The following RUNX1 variants were observed in gnomAD, a reference collection of about 807,000 sequenced individuals.
The protein encoded by RUNX1 is RUNX family transcription factor 1, also known as runt-related transcription factor 1.
RUNX1 carries 19 observed loss-of-function variants against 42.8 expected under a neutral mutation model. The observed-to-expected ratio is 0.44, with a 90% CI of 0.31 to 0.65. The LOEUF is 0.65. Ranked by LOEUF, RUNX1 falls within the 30% of genes least tolerant of loss-of-function variation. The pLI, the probability that RUNX1 is intolerant of heterozygous loss-of-function variation, is 0.07. For synonymous variants in RUNX1, 271 were observed against 289.4 expected (o/e 0.94, Z 0.64); for missense variants, 528 against 672.0 (o/e 0.79, Z 2.37).
chr21:34,920,787 T>TG (rs1005233592), intron 2 of RUNX1, among the ~76,000 whole-genome samples: 1 of 55,298 alleles, frequency 1.8e-5, no homozygotes, highest in African/African-American at 3.2e-5. Context: ...CATTTTTTCA[T>TG]GTTTTTTCTA....
At chr21:34,978,581 TG>T (rs1015372974) in intron 2 of RUNX1, among the ~76,000 whole-genome samples, 1 of 152,242 alleles carries the variant, frequency 6.6e-6, no homozygotes, top group African/African-American at 2.4e-5. Context: ...GGAAAGTTTT[TG>T]TTTTTTTAAA....
chr21:34,999,485 C>G (rs768161082), intron 2 of RUNX1, among the ~76,000 whole-genome samples: 24 of 152,170 alleles, frequency 1.6e-4, no homozygotes, highest in Non-Finnish European at 2.6e-4. Flanking sequence ...GGCTGTTGCT[C>G]AACAGCTGAC....
chr21:34,920,894 T>A (rs2058348795), intron 2 of RUNX1, among the ~76,000 whole-genome samples: 1 of 152,214 alleles, frequency 6.6e-6, no homozygotes, highest in Non-Finnish European at 1.5e-5. Context: ...AGTCTCACTC[T>A]ATCACCCAGG....
At chr21:34,880,513 T>C (rs2057882155) in intron 5 of RUNX1, 44 bp downstream of exon 5, 1 of 1,601,730 alleles carries the variant, frequency 6.2e-7, no homozygotes, top group Admixed American at 1.7e-5. Context: ...GTGGGTTTGT[T>C]GCCATGAAAC....
intron 2 of RUNX1, among the ~76,000 whole-genome samples, chr21:34,942,074 TACC>T (rs2058531449): frequency 2.6e-5 from 4 of 152,192 alleles, no homozygotes; most frequent in African/African-American, 4.8e-5. Flanking sequence ...ATCCATCAAA[TACC>T]AGATTGAATT....
chr21:34,887,030 G>A lies in RUNX1; in HGVS notation c.164C>T (p.Ala55Val), dbSNP rs1473182680. 5 of 1,601,658 alleles carry A rather than the reference G, an allele frequency of 3.1e-6. No individual in the cohort carries two copies. The highest frequency in any genetic ancestry group is 1.3e-5 in the African/African-American group (1 of 75,002). The change falls in exon 4 of 9, where the codon GCG becomes GTG. Residue 55 changes from alanine (A) to valine (V), a missense_variant. This residue lies in a region of RUNX1 where 114 missense variants were observed against 115.0 expected (regional missense o/e 0.99). Transcript: ENST00000675419. ...GGCGTCCGGGGCGCCCAGCGGCAAC[G>A]CCTCGCTCATCTTGCCTGGGCTCAG... Reference protein sequence around the residue: ...TALSPGKMSEALPLGAPDAGA... With the variant: ...TALSPGKMSEVLPLGAPDAGA...
intron 7 of RUNX1, among the ~76,000 whole-genome samples, chr21:34,810,031 C>T (rs1216483176): frequency 6.6e-6 from 1 of 152,216 alleles, no homozygotes; most frequent in Non-Finnish European, 1.5e-5. Flanking sequence ...TGCCACTGCC[C>T]CAGCTCTCTG....
intron 4 of RUNX1, among the ~76,000 whole-genome samples, chr21:34,883,660 G>C (rs1366256476): frequency 6.6e-6 from 1 of 152,172 alleles, no homozygotes; most frequent in African/African-American, 2.4e-5. Flanking sequence ...CTCATATTTT[G>C]TTTTACTTCT....
chr21:34,866,960 G>GA (rs1216818916), intron 5 of RUNX1, among the ~76,000 whole-genome samples: 1 of 152,182 alleles, frequency 6.6e-6, no homozygotes, highest in Admixed American at 6.5e-5. Context: ...TGGATTGTTT[G>GA]AAAAATAGCT....
chr21:34,810,546 A>G (rs1033279313), intron 7 of RUNX1, among the ~76,000 whole-genome samples: 5 of 152,204 alleles, frequency 3.3e-5, no homozygotes, highest in African/African-American at 1.2e-4. Flanking sequence ...TTCAGTAAGG[A>G]TACAATAAGG....
At chr21:34,962,209 TTC>T (rs754616217) in intron 2 of RUNX1, among the ~76,000 whole-genome samples, 67 of 152,348 alleles carry the variant, frequency 4.4e-4, no homozygotes, top group Non-Finnish European at 7.9e-4. Context: ...TGTATTTAAA[TTC>T]TTTTTTTTCC....
At chr21:34,896,147 C>A (rs2058128308) in intron 2 of RUNX1, among the ~76,000 whole-genome samples, 1 of 152,064 alleles carries the variant, frequency 6.6e-6, no homozygotes, top group Non-Finnish European at 1.5e-5. Flanking sequence ...GTGGGGAAAA[C>A]AGGAATTCTG....
intron 6 of RUNX1, among the ~76,000 whole-genome samples, chr21:34,846,033 C>T (rs983128172): frequency 1.1e-4 from 16 of 152,000 alleles, no homozygotes; most frequent in Non-Finnish European, 1.0e-4. Flanking sequence ...AGGAGGGAGG[C>T]GGCCCCACTC....
At position 34,950,557 on chromosome 21, in the gene RUNX1, G is replaced by A. The variant is rs534735316; in HGVS notation, c.59-57594C>T. 6.6e-5 allele frequency among the ~76,000 whole-genome samples: 10 copies of A among 152,270 alleles called. No individual in the cohort carries two copies. The East Asian group carries it at 1.2e-3, about 18-fold the overall frequency. On this transcript the variant is annotated intron_variant, in intron 2 of 8. Transcript: ENST00000675419. ...AGTTCAAGACCAGCCCGGCCAACAC[G>A]GCAAAACCCCATCTCTACTAAATAC...
intron 5 of RUNX1, among the ~76,000 whole-genome samples, chr21:34,868,666 G>C (rs905895525): frequency 6.6e-6 from 1 of 152,198 alleles, no homozygotes; most frequent in African/African-American, 2.4e-5. Flanking sequence ...ACCAGGTTCT[G>C]TACCTCTGAG....
rs116586131 is a variant in RUNX1 at position 34,842,224 on chromosome 21, G to A, written c.614-7623C>T. 6.9e-3 allele frequency among the ~76,000 whole-genome samples: 1,054 copies of A among 152,016 alleles called. 15 individuals carry two copies. Among genetic ancestry groups the A allele is most frequent in the African/African-American group, 0.024 (1,005 of 41,450 alleles). On this transcript the variant is annotated intron_variant, in intron 6 of 8. Coordinates refer to ENST00000675419, the MANE Select transcript of RUNX1 (RefSeq NM_001754.5). ...GTCTCATTAGAAGTTGAATCAGTCC[G>A]GGCCTGATGGCTCATCCCAGCACTC...
At chr21:34,974,486 G>A (rs1246039699) in intron 2 of RUNX1, among the ~76,000 whole-genome samples, 1 of 152,004 alleles carries the variant, frequency 6.6e-6, no homozygotes, top group Non-Finnish European at 1.5e-5. Flanking sequence ...TGAAGCCGGA[G>A]AGAGCTCACT....
intron 2 of RUNX1, among the ~76,000 whole-genome samples, chr21:34,940,485 A>G (rs755810704): frequency 1.3e-4 from 20 of 152,278 alleles, no homozygotes; most frequent in Admixed American, 2.6e-4. Context: ...GTTCTCTGAT[A>G]GCGCAATGCT....
chr21:34,920,209 A>C (rs1336208600), intron 2 of RUNX1, among the ~76,000 whole-genome samples: 1 of 152,182 alleles, frequency 6.6e-6, no homozygotes, highest in Non-Finnish European at 1.5e-5. Flanking sequence ...GCACGTAGGC[A>C]CACTTTGAGG....
Sources: gnomAD v4.1 joint callset for allele counts (sites outside exome capture counted in the v4.1 genomes callset) on GRCh38, gnomAD v4.1.1 for gene constraint, gnomAD v4.1.1 regional missense constraint, MANE v1.5 for transcripts, NCBI Gene and HGNC (gene_info 2026-07-23, HGNC 2026-07-21) for gene names.